The following EPAS1 variants were observed in gnomAD, a reference collection of about 807,000 sequenced individuals.
The protein encoded by EPAS1 is endothelial PAS domain-containing protein 1.
EPAS1 carries 23 observed loss-of-function variants against 87.9 expected under a neutral mutation model. The ratio of observed to expected loss-of-function variants is 0.26; its 90% CI spans 0.19 to 0.37. The LOEUF is 0.37. Ranked by LOEUF, EPAS1 falls within the 10% of genes least tolerant of loss-of-function variation. EPAS1 has a pLI of 1.00. For synonymous variants in EPAS1, 508 were observed against 444.3 expected (o/e 1.14, Z -1.80); for missense variants, 1,138 against 1,120.7 (o/e 1.02, Z -0.22).
At chr2:46,353,271 C>T (rs1339840655) in intron 2 of EPAS1, among the ~76,000 whole-genome samples, 3 of 152,178 alleles carry the variant, frequency 2.0e-5, no homozygotes, top group Non-Finnish European at 4.4e-5. Context: ...GGCCATAGCT[C>T]TCAGCATGTG....
intron 1 of EPAS1, among the ~76,000 whole-genome samples, chr2:46,332,473 G>A (rs867108691): frequency 1.3e-5 from 2 of 152,104 alleles, no homozygotes; most frequent in African/African-American, 2.4e-5. Flanking sequence ...CAGATAAGAG[G>A]GGCAGCTGGG....
At chr2:46,364,723 G>A (rs936026164) in intron 6 of EPAS1, among the ~76,000 whole-genome samples, 5 of 152,146 alleles carry the variant, frequency 3.3e-5, no homozygotes, top group African/African-American at 1.2e-4. Context: ...GAGTAGCAGG[G>A]TAAAAGAAAA....
chr2:46,303,106 T>C (rs1287324009), intron 1 of EPAS1, among the ~76,000 whole-genome samples: 1 of 152,140 alleles, frequency 6.6e-6, no homozygotes, highest in Admixed American at 6.5e-5. Flanking sequence ...TATAAAGAGC[T>C]GACAGCCTAC....
rs1040367293 is a variant in EPAS1, at chr2:46,375,959, G to A, written c.1034+122G>A. 3.1e-5 allele frequency: 42 copies of A among 1,365,708 alleles called. No homozygotes were observed. Among genetic ancestry groups the A allele is most frequent in the East Asian group, 2.3e-4 (10 of 43,560 alleles). The allele number at this position is 1,365,708 out of a possible 1,614,324, so 84.6% of individuals were successfully genotyped here. On this transcript the variant is annotated intron_variant, in intron 8 of 15. Coordinates refer to ENST00000263734, the MANE Select transcript of EPAS1 (RefSeq NM_001430.5). The surrounding 1 kb of genome is among the most constrained non-coding windows in gnomAD (Gnocchi z 4.1). ...CTCAGCGCCCTGGGCACCACCTCAG[G>A]GAGGTCTTGCAGGGCTAACCCTAGT...
At chr2:46,332,997 C>T (rs189762288) in intron 1 of EPAS1, among the ~76,000 whole-genome samples, 9 of 152,286 alleles carry the variant, frequency 5.9e-5, no homozygotes, top group East Asian at 3.9e-4. Context: ...AGCTGGCTCA[C>T]GAAACACACC....
At chr2:46,356,037 C>T (rs1041283626) in intron 2 of EPAS1, 114 bp from the exon 3 acceptor site, 7 of 1,196,358 alleles carry the variant, frequency 5.9e-6, no homozygotes, top group Non-Finnish European at 8.7e-6. Flanking sequence ...TATGCGTTTC[C>T]AGAAAAGTCC....
In EPAS1 at chr2:46,380,016, T is replaced by A; in HGVS notation, c.1555-211T>A. ...GTGCAGGGTGAAGAGGGGATAAACA[T>A]GGGGGAAGGCTGGTACATGATACAA... On this transcript the variant is annotated intron_variant, in intron 11 of 15. Transcript: ENST00000263734. This position sits in a 1 kb window ranked among gnomAD's most constrained non-coding sequence, Gnocchi z 4.4. 1.4e-6 allele frequency: 1 copy of A among 727,192 alleles called. No individual in the cohort carries two copies. The highest frequency in any genetic ancestry group is 2.4e-6 in the Non-Finnish European group (1 of 417,042). 45.0% of individuals were successfully genotyped at this position (727,192 alleles called of 1,614,324 possible).
chr2:46,320,924 C>T (rs577645348), intron 1 of EPAS1, among the ~76,000 whole-genome samples: 9 of 152,220 alleles, frequency 5.9e-5, no homozygotes, highest in Admixed American at 1.3e-4. Flanking sequence ...TATTTTTAAG[C>T]CTGCAATTCA....
At chr2:46,365,852 G>A (rs1301616145) in intron 6 of EPAS1, among the ~76,000 whole-genome samples, 3 of 152,028 alleles carry the variant, frequency 2.0e-5, no homozygotes, top group Non-Finnish European at 4.4e-5. Flanking sequence ...GATAAATCAC[G>A]GGGTGCTGAG....
In EPAS1 at chr2:46,375,253, C is replaced by A. The variant is rs953949228; in HGVS notation, c.887-437C>A. The stretch of plus-strand genomic sequence containing the variant: ...TCTCCAGGCTGCTTAGAAGTCCCCC[C>A]ACCTGGAGTGCTTGACGGGATGGCG... On this transcript the variant is annotated intron_variant, in intron 7 of 15. Transcript: ENST00000263734. This position sits in a 1 kb window ranked among gnomAD's most constrained non-coding sequence, Gnocchi z 4.1. 1.8e-5 allele frequency among the ~76,000 whole-genome samples: 2 copies of A among 110,668 alleles called. No individual in the cohort carries two copies. Among genetic ancestry groups the A allele is most frequent in the African/African-American group, 3.8e-5 (1 of 26,144 alleles). The allele number at this position is 110,668 out of a possible 152,430, so 72.6% of individuals were successfully genotyped here. A position where few individuals can be genotyped will look rare whatever the true frequency, so the allele number is the denominator to read the frequency against.
At chr2:46,326,337 G>A (rs754032337) in intron 1 of EPAS1, among the ~76,000 whole-genome samples, 9 of 151,872 alleles carry the variant, frequency 5.9e-5, no homozygotes, top group Admixed American at 2.6e-4. Context: ...AAGTATGGGC[G>A]CCAGGATGCA....
intron 1 of EPAS1, among the ~76,000 whole-genome samples, chr2:46,309,280 G>C (rs962949359): frequency 1.3e-5 from 2 of 151,990 alleles, no homozygotes; most frequent in African/African-American, 4.8e-5. Flanking sequence ...CCAAATTCAG[G>C]TGCTATGCTG....
chr2:46,349,713 C>T (rs1389622382), intron 2 of EPAS1, among the ~76,000 whole-genome samples: 8 of 152,224 alleles, frequency 5.3e-5, no homozygotes, highest in Admixed American at 2.0e-4. Flanking sequence ...TCTCAGCACC[C>T]GCTTTTCTCT....
chr2:46,309,044 T>C (rs1683163819), intron 1 of EPAS1, among the ~76,000 whole-genome samples: 1 of 152,242 alleles, frequency 6.6e-6, no homozygotes, highest in Non-Finnish European at 1.5e-5. Context: ...CTGTTCTTTT[T>C]TCCCCACAGA....
rs907787354 is a variant in EPAS1, at chr2:46,347,493, T to G, written c.217+430T>G. The G allele has an allele frequency of 3.9e-6, 1 of 259,038 alleles. No homozygotes were observed. Among genetic ancestry groups the G allele is most frequent in the Non-Finnish European group, 7.6e-6 (1 of 131,098 alleles). The allele number at this position is 259,038 out of a possible 1,614,324, so 16.0% of individuals were successfully genotyped here. A position where few individuals can be genotyped will look rare whatever the true frequency, so the allele number is the denominator to read the frequency against. Reference sequence around the variant, plus strand: ...AGGTGTGCCCGGATGATCTTTTCCCTCTGAGAAGCCAGTTAGGCCAAGTAA... The same window carrying G: ...AGGTGTGCCCGGATGATCTTTTCCCGCTGAGAAGCCAGTTAGGCCAAGTAA... On this transcript the variant is annotated intron_variant, in intron 2 of 15. Transcript: ENST00000263734. The surrounding 1 kb of genome is among the most constrained non-coding windows in gnomAD (Gnocchi z 4.2).
chr2:46,354,606 T>C (rs1213016166), intron 2 of EPAS1, among the ~76,000 whole-genome samples: 1 of 151,200 alleles, frequency 6.6e-6, no homozygotes, highest in East Asian at 1.9e-4. Context: ...GTGGAAGTTT[T>C]CCTAGGCTGC....
chr2:46,362,917 G>A (rs1318516287), intron 6 of EPAS1, among the ~76,000 whole-genome samples: 1 of 147,456 alleles, frequency 6.8e-6, no homozygotes, highest in Non-Finnish European at 1.5e-5. Context: ...CTTCCGTCCT[G>A]GAACTTCGAC....
intron 10 of EPAS1, 46 bp from the exon 11 acceptor site, chr2:46,378,611 C>T: frequency 1.3e-6 from 2 of 1,530,490 alleles, no homozygotes; most frequent in Non-Finnish European, 1.8e-6. Context: ...TCTGGGGAGA[C>T]CAGTGCCATA....
At chr2:46,370,667 C>G (rs920352258) in intron 7 of EPAS1, among the ~76,000 whole-genome samples, 1 of 152,138 alleles carries the variant, frequency 6.6e-6, no homozygotes, top group African/African-American at 2.4e-5. Context: ...CTAGAGAAAC[C>G]GAGGAACTGA....
Sources: gnomAD v4.1 joint callset for allele counts (sites outside exome capture counted in the v4.1 genomes callset) on GRCh38, gnomAD v4.1.1 for gene constraint, Gnocchi (gnomAD v3.1) non-coding constraint, MANE v1.5 for transcripts, NCBI Gene and HGNC (gene_info 2026-07-23, HGNC 2026-07-21) for gene names.